Variants in FAM135A observed in about 807,000 individuals in gnomAD.
FAM135A encodes the protein protein FAM135A.
Under a neutral mutation model 146.8 loss-of-function variants are expected in FAM135A, and 79 were observed. The ratio of observed to expected loss-of-function variants is 0.54; its 90% confidence interval spans 0.45 to 0.65. The LOEUF (loss-of-function observed/expected upper bound fraction) is 0.65, where lower values mean the gene tolerates loss of function less well. Ranked by LOEUF, FAM135A falls within the 30% of genes least tolerant of loss-of-function variation. The probability of loss-of-function intolerance (pLI) is 0.00; values close to 1 mark genes in which losing one functional copy is unlikely to be tolerated. For synonymous variants in FAM135A, 562 were observed against 603.6 expected (o/e 0.93, Z 1.01); for missense variants, 1,623 against 1,758.2 (o/e 0.92, Z 1.38).
intron 4 of FAM135A, among the ~76,000 whole-genome samples, chr6:70,445,906 A>T (rs1775608754): frequency 6.6e-6 from 1 of 152,254 alleles, no homozygotes; most frequent in South Asian, 2.1e-4. Flanking sequence ...AATAAAAGCA[A>T]AGGCAGTTTT....
At chr6:70,427,768 A>G (rs183652456) in intron 3 of FAM135A, among the ~76,000 whole-genome samples, 28 of 152,274 alleles carry the variant, frequency 1.8e-4, no homozygotes, top group South Asian at 8.3e-4. Context: ...CTTCTTTGCA[A>G]TTGAATACTT....
chr6:70,559,447 TAAAA>T (rs762968839), intron 21 of FAM135A, among the ~76,000 whole-genome samples: 1 of 118,902 alleles, frequency 8.4e-6, no homozygotes, highest in Admixed American at 8.4e-5. Flanking sequence ...ATCTCAAAAA[TAAAA>T]AAAAAAAAAA....
chr6:70,439,706 C>T (rs1774020810), intron 4 of FAM135A, among the ~76,000 whole-genome samples: 1 of 152,194 alleles, frequency 6.6e-6, no homozygotes, highest in Non-Finnish European at 1.5e-5. Context: ...GTTCTGATCT[C>T]TACCAGTGTT....
chr6:70,522,482 G>C, intron 12 of FAM135A, 31 bp from the exon 13 acceptor site: 2 of 1,595,230 alleles, frequency 1.3e-6, no homozygotes, highest in Non-Finnish European at 1.7e-6. Flanking sequence ...AATACGTCAT[G>C]TTATTAATAC....
At chr6:70,532,522 A>T (rs1464215766) in intron 16 of FAM135A, among the ~76,000 whole-genome samples, 1 of 152,224 alleles carries the variant, frequency 6.6e-6, no homozygotes, top group Non-Finnish European at 1.5e-5. Context: ...TAGAATGGTG[A>T]TGGTAAGACA....
intron 20 of FAM135A, among the ~76,000 whole-genome samples, chr6:70,549,199 T>C (rs1014867290): frequency 1.3e-5 from 2 of 152,144 alleles, no homozygotes; most frequent in African/African-American, 2.4e-5. Flanking sequence ...TACAGTGTTA[T>C]ACTTTTTTTA....
At position 70,476,711 on chromosome 6, in the gene FAM135A, A is replaced by AT. The variant is rs1381335098; in HGVS notation, c.369-447dup. Among the ~76,000 whole-genome samples the AT allele has an allele frequency of 2.0e-5, 3 of 152,278 alleles. No homozygotes were observed. In the East Asian group the frequency reaches 5.8e-4, roughly 29 times the overall value. On this transcript the variant is annotated intron_variant, in intron 7 of 21. Transcript: ENST00000418814. ...AATAAGATATGTTTTACTTTTTAAA[A>AT]TAAGCAATGGCCTGCTTATTTTTGA...
chr6:70,429,598 G>A (rs946059163), intron 4 of FAM135A, among the ~76,000 whole-genome samples: 30 of 152,110 alleles, frequency 2.0e-4, no homozygotes, highest in African/African-American at 6.8e-4. Flanking sequence ...AAGAAAGGTA[G>A]TAAAGAATGG....
At chr6:70,480,410 G>T (rs1263839812) in intron 8 of FAM135A, among the ~76,000 whole-genome samples, 1 of 152,168 alleles carries the variant, frequency 6.6e-6, no homozygotes, top group African/African-American at 2.4e-5. Flanking sequence ...TAGCCTTTTA[G>T]TAAAGAGAAT....
At chr6:70,520,430 A>G (rs1241759701) in intron 12 of FAM135A, among the ~76,000 whole-genome samples, 2 of 152,186 alleles carry the variant, frequency 1.3e-5, no homozygotes, top group Non-Finnish European at 2.9e-5. Flanking sequence ...CTGAATGCAC[A>G]TGTATAGAAT....
At chr6:70,509,355 T>C (rs559774015) in intron 12 of FAM135A, among the ~76,000 whole-genome samples, 76 of 152,282 alleles carry the variant, frequency 5.0e-4, no homozygotes, top group Admixed American at 1.0e-3. Flanking sequence ...TTGACTAACA[T>C]CTCTCTCACC....
At chr6:70,449,686 A>G (rs1776620560) in intron 4 of FAM135A, among the ~76,000 whole-genome samples, 2 of 152,102 alleles carry the variant, frequency 1.3e-5, no homozygotes, top group South Asian at 4.1e-4. Flanking sequence ...GGTTGCTTCC[A>G]TTATCTTAGC....
At chr6:70,529,768 A>T (rs1456537461) in intron 16 of FAM135A, among the ~76,000 whole-genome samples, 1 of 152,080 alleles carries the variant, frequency 6.6e-6, no homozygotes, top group Non-Finnish European at 1.5e-5. Flanking sequence ...GTCTGACATA[A>T]ATATACTTAA....
intron 4 of FAM135A, among the ~76,000 whole-genome samples, chr6:70,441,685 A>ATT (rs201530248): frequency 8.2e-4 from 116 of 140,930 alleles, no homozygotes; most frequent in African/African-American, 1.6e-3. Context: ...GCATTAGCAA[A>ATT]TTTTTTTTTT....
chr6:70,551,004 TTC>T (rs1056794973), intron 20 of FAM135A, among the ~76,000 whole-genome samples: 3 of 152,244 alleles, frequency 2.0e-5, no homozygotes, highest in African/African-American at 7.2e-5. Flanking sequence ...GCTTCTTCAC[TTC>T]TCTCAGCCTT....
chr6:70,507,723 T>C (rs576656665), intron 12 of FAM135A, among the ~76,000 whole-genome samples: 19 of 152,252 alleles, frequency 1.2e-4, no homozygotes, highest in Admixed American at 3.9e-4. Flanking sequence ...ACATTCATGC[T>C]ACATCATAGA....
chr6:70,503,613 C>T (rs890014904), intron 12 of FAM135A: 5 of 152,120 alleles, frequency 3.3e-5, no homozygotes, highest in African/African-American at 7.2e-5. Context: ...CATACCCTTC[C>T]TAATACTTAG....
intron 20 of FAM135A, among the ~76,000 whole-genome samples, chr6:70,549,214 C>G (rs1029125796): frequency 6.6e-6 from 1 of 151,880 alleles, no homozygotes; most frequent in African/African-American, 2.4e-5. Context: ...TTTTTATGTC[C>G]TCTCCCTTCT....
intron 11 of FAM135A, among the ~76,000 whole-genome samples, chr6:70,502,053 T>C (rs1788678369): frequency 6.6e-6 from 1 of 152,062 alleles, no homozygotes; most frequent in Non-Finnish European, 1.5e-5. Flanking sequence ...GTTCAATAAA[T>C]AGCAAGTGAG....
Sources: allele counts gnomAD v4.1 joint callset (sites outside exome capture counted in the v4.1 genomes callset), GRCh38; gene constraint gnomAD v4.1.1; transcripts MANE v1.5; gene names NCBI Gene and HGNC (gene_info 2026-07-23, HGNC 2026-07-21).